PHF3: variants seen among roughly 807,000 people sequenced by gnomAD.
The protein encoded by PHF3 is PHD finger protein 3.
In PHF3, 41 loss-of-function variants were observed where a neutral mutation model predicts 178.4. The ratio of observed to expected loss-of-function variants is 0.23; its 90% CI spans 0.18 to 0.30. PHF3 has a LOEUF of 0.30. Ranked by LOEUF, PHF3 falls within the 10% of genes least tolerant of loss-of-function variation. The pLI is 1.00. For missense variants in PHF3, 2,346 were observed against 2,398.1 expected (o/e 0.98, Z 0.45); for synonymous variants, 842 against 800.5 (o/e 1.05, Z -0.88).
rs767650480 is a variant in PHF3 at position 63,711,950 on chromosome 6, T to C, written c.4362T>C (p.Pro1454=). 1.2e-6 allele frequency: 2 copies of C among 1,613,916 alleles called. No homozygotes were observed. Among genetic ancestry groups the C allele is most frequent in the Non-Finnish European group, 1.7e-6 (2 of 1,179,948 alleles). ...TGTTGATTGGCTGGGAGAATCAACC[T>C]ACTACTCTGGAATTAGCAAATAAAC... The part of the protein sequence containing the change: ...PGVLIGWENQ[P]TTLELANKPL... Residue 1454 remains proline, a synonymous_variant, in exon 16 of 16, where the codon CCT becomes CCC. Transcript: ENST00000262043.
intron 11 of PHF3, among the ~76,000 whole-genome samples, chr6:63,705,320 A>C (rs1767643263): frequency 6.6e-6 from 1 of 152,146 alleles, no homozygotes; most frequent in Non-Finnish European, 1.5e-5. Context: ...AGGAATTACT[A>C]CCTTAGGGGT....
Position 63,713,700 on chromosome 6 carries a change from A to G in PHF3, c.6112A>G (p.Lys2038Glu), listed in dbSNP as rs1399572782. ...GGACCACACTGACAGAACTAAAAGC[A>G]AAAGGTAAAATTTGCAGGCTGCTTC... is the stretch of plus-strand genomic sequence containing the variant. ...DRDHTDRTKS[K>E]R is the part of the protein sequence containing the mutation. Residue 2038 changes from lysine (K) to glutamate (E), a missense_variant, in exon 16 of 16, where the codon AAA becomes GAA. Physicochemically the swap from Lys to Glu is moderately conservative, Grantham distance 56 (BLOSUM62 1). Around this residue, in one of 8 missense-constraint regions of PHF3, gnomAD observed 839 missense variants for 806.9 expected, o/e 1.04. Transcript: ENST00000262043. 1.3e-6 allele frequency: 2 copies of G among 1,555,282 alleles called. No individual in the cohort carries two copies. The highest frequency in any genetic ancestry group is 2.2e-5 in the Admixed American group (1 of 45,636).
Position 63,646,806 on chromosome 6 carries a change from C to CTTTTTTTTTTTTT in PHF3, c.244+21_244+33dup, listed in dbSNP as rs11285703. 2 of 1,013,518 alleles carry CTTTTTTTTTTTTT rather than the reference C, an allele frequency of 2.0e-6. No individual in the cohort carries two copies. The highest frequency in any genetic ancestry group is 2.5e-5 in the African/African-American group (1 of 40,734). 62.8% of individuals were successfully genotyped at this position (1,013,518 alleles called of 1,614,324 possible). On this transcript the variant is annotated intron_variant, in intron 2 of 15. Transcript: ENST00000262043. ...TGCCTTGTTCAACAGGTAATTCTTA[C>CTTTTTTTTTTTTT]TTTTTTTTTTTTTTTTTTTTTTAGT...
chr6:63,687,570 CAG>C (rs1023395366), intron 4 of PHF3, among the ~76,000 whole-genome samples: 2 of 152,110 alleles, frequency 1.3e-5, no homozygotes, highest in Non-Finnish European at 2.9e-5. Context: ...ATCATGTGGA[CAG>C]AGAGATGGAA....
At chr6:63,688,141 A>G (rs1766800505) in intron 4 of PHF3, among the ~76,000 whole-genome samples, 3 of 139,088 alleles carry the variant, frequency 2.2e-5, no homozygotes, top group African/African-American at 8.1e-5. Flanking sequence ...AGCCGAGATC[A>G]TGCTACTCCA....
intron 1 of PHF3, among the ~76,000 whole-genome samples, chr6:63,645,072 C>T (rs747018706): frequency 6.6e-6 from 1 of 151,526 alleles, no homozygotes; most frequent in Non-Finnish European, 1.5e-5. Context: ...TTTGTAGAGA[C>T]GGGGTTTCGC....
chr6:63,668,842 AT>A (rs994234727), intron 2 of PHF3, among the ~76,000 whole-genome samples: 2 of 151,776 alleles, frequency 1.3e-5, no homozygotes, highest in African/African-American at 2.4e-5. Flanking sequence ...GTACTTGCTG[AT>A]TTTTTTTCAT....
At position 63,721,480 on chromosome 6, in the gene PHF3, C is replaced by A; in HGVS notation, c.*7772C>A. ...TGTAATTCTTGATTATTTATGATAA[C>A]TTGTCGGATACAGCCTTGAAAACCT... On this transcript the variant is annotated 3_prime_UTR_variant, in exon 16 of 16. Coordinates refer to ENST00000262043, the MANE Select transcript of PHF3 (RefSeq NM_001370348.2). The A allele has an allele frequency of 6.4e-7, 1 of 1,551,636 alleles. No individual in the cohort carries two copies. Among genetic ancestry groups the A allele is most frequent in the Non-Finnish European group, 8.7e-7 (1 of 1,146,890 alleles).
chr6:63,681,746 A>T (rs982579051), intron 3 of PHF3, among the ~76,000 whole-genome samples: 1 of 151,744 alleles, frequency 6.6e-6, no homozygotes, highest in African/African-American at 2.4e-5. Flanking sequence ...GCATTATTTT[A>T]AAAAAAATGT....
chr6:63,722,298 A>T lies in PHF3; in HGVS notation c.*8590A>T, dbSNP rs555116011. Among the ~76,000 whole-genome samples the T allele has an allele frequency of 6.6e-6, 1 of 152,224 alleles. No homozygotes were observed. Among genetic ancestry groups the T allele is most frequent in the Non-Finnish European group, 1.5e-5 (1 of 68,008 alleles). On this transcript the variant is annotated 3_prime_UTR_variant, in exon 16 of 16. Transcript: ENST00000262043. The stretch of plus-strand genomic sequence containing the variant: ...TTTTCTAGGAACACTCCGCCACCCC[A>T]TTCCACCTCAACTAGATAACTCCTA...
chr6:63,700,964 C>G (rs1382652006), intron 9 of PHF3, among the ~76,000 whole-genome samples: 2 of 152,142 alleles, frequency 1.3e-5, no homozygotes, highest in African/African-American at 4.8e-5. Flanking sequence ...CTCATTTTCT[C>G]CAGTTACTAG....
rs535669751 is a variant in PHF3 at position 63,720,542 on chromosome 6, C to CT, written c.*6835dup. ...CGTAAGCAATGTATCAAAGAAATAA[C>CT]TATCAAAATAACTGCATTTATGTAT... On this transcript the variant is annotated 3_prime_UTR_variant, in exon 16 of 16. Coordinates refer to ENST00000262043, the MANE Select transcript of PHF3 (RefSeq NM_001370348.2). 586 of 1,284,086 alleles carry CT rather than the reference C, an allele frequency of 4.6e-4. 6 individuals carry two copies. In the South Asian group the frequency reaches 9.1e-3, roughly 20 times the overall value. 79.5% of individuals were successfully genotyped at this position (1,284,086 alleles called of 1,614,324 possible).
intron 2 of PHF3, among the ~76,000 whole-genome samples, chr6:63,676,589 T>C (rs1299784194): frequency 6.6e-6 from 1 of 152,136 alleles, no homozygotes; most frequent in Non-Finnish European, 1.5e-5. Context: ...CCAGTGTGAC[T>C]GGAGGAGAGT....
rs1309231565 is a variant in PHF3 at position 63,725,166 on chromosome 6, C to T, written c.*11458C>T. 1.3e-5 allele frequency among the ~76,000 whole-genome samples: 2 copies of T among 151,966 alleles called. No individual in the cohort carries two copies. Among genetic ancestry groups the T allele is most frequent in the Non-Finnish European group, 2.9e-5 (2 of 67,938 alleles). ...TATAAGTGTCAAATGCAGCATCAATCGTGTGAAACTAATGAATCTCTGTAA... is the reference window on the plus strand; with the variant it reads ...TATAAGTGTCAAATGCAGCATCAATTGTGTGAAACTAATGAATCTCTGTAA... On this transcript the variant is annotated 3_prime_UTR_variant, in exon 16 of 16. Transcript: ENST00000262043.
chr6:63,682,873 G>T (rs189465446), intron 3 of PHF3, among the ~76,000 whole-genome samples: 3 of 152,034 alleles, frequency 2.0e-5, no homozygotes, highest in African/African-American at 7.2e-5. Flanking sequence ...TTATTAATGT[G>T]TAATAAGTGT....
At chr6:63,706,587 T>C in intron 12 of PHF3, 142 bp from the exon 13 acceptor site, 3 of 676,524 alleles carry the variant, frequency 4.4e-6, no homozygotes, top group Non-Finnish European at 7.3e-6. Flanking sequence ...AATGTAATTT[T>C]ATAAAATGAA....
intron 10 of PHF3, 152 bp downstream of exon 10, chr6:63,702,791 T>G: frequency 2.9e-6 from 2 of 692,186 alleles, no homozygotes; most frequent in South Asian, 4.4e-5. Flanking sequence ...TTTTTGAGTG[T>G]TGAGTAATGT....
chr6:63,686,824 C>T (rs1443352334), intron 4 of PHF3, among the ~76,000 whole-genome samples: 1 of 152,132 alleles, frequency 6.6e-6, no homozygotes, highest in Admixed American at 6.5e-5. Context: ...CCAGCACTAT[C>T]TTAGTACATA....
chr6:63,652,666 A>T (rs1407703976), intron 2 of PHF3, among the ~76,000 whole-genome samples: 1 of 152,038 alleles, frequency 6.6e-6, no homozygotes, highest in Non-Finnish European at 1.5e-5. Context: ...TTAGTTTTGG[A>T]TCTTACATTT....
Sources: gnomAD v4.1 joint callset for allele counts (sites outside exome capture counted in the v4.1 genomes callset) on GRCh38, gnomAD v4.1.1 for gene constraint, gnomAD v4.1.1 regional missense constraint, MANE v1.5 for transcripts, NCBI Gene and HGNC (gene_info 2026-07-23, HGNC 2026-07-21) for gene names.